Variants in DAB1 observed in about 807,000 individuals in gnomAD.
DAB1 encodes disabled homolog 1.
A neutral mutation model predicts 64.6 loss-of-function variants in DAB1; 15 were observed. That is an observed-to-expected ratio of 0.23 (90% CI 0.16 to 0.36). DAB1 has a LOEUF of 0.36. DAB1 is among the 10% of genes least tolerant of loss of function. The pLI, the probability that DAB1 is intolerant of heterozygous loss-of-function variation, is 1.00. For synonymous variants in DAB1, 235 were observed against 251.9 expected (o/e 0.93, Z 0.64); for missense variants, 596 against 706.7 (o/e 0.84, Z 1.78).
intron 7 of DAB1, among the ~76,000 whole-genome samples, chr1:57,477,580 T>C (rs1570556275): frequency 6.6e-6 from 1 of 152,142 alleles, no homozygotes; most frequent in South Asian, 2.1e-4. Flanking sequence ...TAATATAAAT[T>C]GGAGTGATTA....
intron 5 of DAB1, among the ~76,000 whole-genome samples, chr1:58,079,626 A>G (rs1357540100): frequency 3.9e-4 from 56 of 145,212 alleles, no homozygotes; most frequent in Non-Finnish European, 6.0e-5. Context: ...GGTTCAAGCA[A>G]TTCTCTGCCT....
chr1:58,210,353 A>G (rs1658494498), intron 4 of DAB1, among the ~76,000 whole-genome samples: 1 of 152,244 alleles, frequency 6.6e-6, no homozygotes, highest in Non-Finnish European at 1.5e-5. Flanking sequence ...GCAGATCTGC[A>G]TGATAGGAGC....
intron 3 of DAB1, among the ~76,000 whole-genome samples, chr1:58,411,887 T>TAGGAG (rs1644674052): frequency 1.3e-5 from 2 of 152,214 alleles, no homozygotes; most frequent in African/African-American, 4.8e-5. Flanking sequence ...AAGGAACGTT[T>TAGGAG]CCTACAGTGG....
chr1:57,211,736 T>G (rs1666022537), intron 2 of DAB1, among the ~76,000 whole-genome samples: 1 of 150,846 alleles, frequency 6.6e-6, no homozygotes, highest in African/African-American at 2.4e-5. Context: ...CAACCAAATG[T>G]AGACCAAAAA....
At position 58,041,046 on chromosome 1, in the gene DAB1, C is replaced by T. The variant is rs573696641; in HGVS notation, n.387+109465G>A. On this transcript the variant is annotated intron_variant and non_coding_transcript_variant, in intron 5 of 20. Coordinates refer to the DAB1 transcript ENST00000485760. ...ACAGCTACACTGGTCTCTAGCTCTG[C>T]ATCTTTGCACATGCTTTGCTGCCTA... Among the ~76,000 whole-genome samples, 255 of 152,346 alleles carry T rather than the reference C, an allele frequency of 1.7e-3. 2 individuals carry two copies. The highest frequency in any genetic ancestry group is 5.8e-3 in the African/African-American group (242 of 41,580).
intron 6 of DAB1, among the ~76,000 whole-genome samples, chr1:57,813,868 A>G (rs938340469): frequency 3.5e-4 from 54 of 152,228 alleles, no homozygotes; most frequent in African/African-American, 1.2e-3. Flanking sequence ...AATAAACAAT[A>G]AAGTCCACAA....
At chr1:58,126,086 G>C (rs1035045243) in intron 5 of DAB1, among the ~76,000 whole-genome samples, 1 of 152,132 alleles carries the variant, frequency 6.6e-6, no homozygotes, top group Non-Finnish European at 1.5e-5. Flanking sequence ...ATGAAAAAGA[G>C]CTTTCAAGCA....
chr1:58,528,173 T>C (rs1284296907), intron 1 of DAB1, among the ~76,000 whole-genome samples: 2 of 152,234 alleles, frequency 1.3e-5, no homozygotes, highest in African/African-American at 4.8e-5. Context: ...GTATATCATA[T>C]AATGCCTTCA....
intron 5 of DAB1, among the ~76,000 whole-genome samples, chr1:58,103,163 A>G (rs755148036): frequency 3.5e-4 from 53 of 152,210 alleles, no homozygotes; most frequent in African/African-American, 2.9e-4. Context: ...AAGTTTATGT[A>G]CTTTAATACA....
intron 5 of DAB1, among the ~76,000 whole-genome samples, chr1:58,112,764 C>T (rs1256777533): frequency 1.3e-5 from 2 of 152,100 alleles, no homozygotes. Context: ...ATCCTTCAGC[C>T]AGGCATATTT....
chr1:57,842,707 C>T (rs1007222857), intron 1 of DAB1, among the ~76,000 whole-genome samples: 5 of 152,170 alleles, frequency 3.3e-5, no homozygotes, highest in African/African-American at 1.2e-4. Context: ...TTAGAACTCA[C>T]TCACTGTCAT....
chr1:57,170,893 T>C (rs1447056901), intron 2 of DAB1, among the ~76,000 whole-genome samples: 2 of 152,188 alleles, frequency 1.3e-5, no homozygotes, highest in African/African-American at 4.8e-5. Flanking sequence ...ATCCAATCTC[T>C]GCTGGAATTT....
chr1:57,100,687 G>A (rs192313377), intron 4 of DAB1, among the ~76,000 whole-genome samples: 1 of 151,810 alleles, frequency 6.6e-6, no homozygotes, highest in East Asian at 1.9e-4. Context: ...GGCAGAGGCA[G>A]GAGAGGCTTT....
chr1:57,781,248 T>A (rs900047233), intron 6 of DAB1, among the ~76,000 whole-genome samples: 6 of 150,010 alleles, frequency 4.0e-5, no homozygotes, highest in Admixed American at 2.7e-4. Flanking sequence ...CTGAATAGTT[T>A]CCTATCACAT....
intron 2 of DAB1, among the ~76,000 whole-genome samples, chr1:57,287,262 A>G (rs997654227): frequency 1.3e-5 from 2 of 152,112 alleles, no homozygotes; most frequent in African/African-American, 4.8e-5. Flanking sequence ...TTTTGTAAAG[A>G]TGGGGTTTCA....
At chr1:58,450,628 C>T (rs567645956) in intron 3 of DAB1, among the ~76,000 whole-genome samples, 6 of 152,158 alleles carry the variant, frequency 3.9e-5, no homozygotes, top group Non-Finnish European at 7.3e-5. Flanking sequence ...GTGGCAGGCA[C>T]CTGTAGTCCC....
chr1:57,407,748 G>A (rs1683762746), intron 1 of DAB1, among the ~76,000 whole-genome samples: 1 of 150,754 alleles, frequency 6.6e-6, no homozygotes, highest in Non-Finnish European at 1.5e-5. Flanking sequence ...TTGTGAAGAT[G>A]GAAGAGGAAG....
intron 4 of DAB1, among the ~76,000 whole-genome samples, chr1:58,292,896 A>G (rs749694639): frequency 2.0e-4 from 30 of 152,226 alleles, no homozygotes; most frequent in African/African-American, 9.6e-5. Flanking sequence ...CTTGGAATGT[A>G]AAAATGAGCA....
chr1:57,684,914 A>C (rs1646677468), intron 6 of DAB1, among the ~76,000 whole-genome samples: 1 of 151,992 alleles, frequency 6.6e-6, no homozygotes, highest in Non-Finnish European at 1.5e-5. Context: ...TCTACTATGC[A>C]AATGGAAAAC....
Sources: gnomAD v4.1 joint callset for allele counts (sites outside exome capture counted in the v4.1 genomes callset) on GRCh38, gnomAD v4.1.1 for gene constraint, MANE v1.5 for transcripts, NCBI Gene and HGNC (gene_info 2026-07-23, HGNC 2026-07-21) for gene names.